The following DLG2 variants were observed in gnomAD, a reference collection of about 807,000 sequenced individuals.
DLG2 encodes disks large homolog 2.
Under a neutral mutation model 132.5 loss-of-function variants are expected in DLG2, and 45 were observed. The observed-to-expected ratio is 0.34, with a 90% CI of 0.27 to 0.44. DLG2 has a LOEUF of 0.44. Among genes scored for constraint, DLG2 ranks in the 20% least tolerant of loss-of-function variants. The pLI, the probability that DLG2 is intolerant of heterozygous loss-of-function variation, is 1.00. For missense variants in DLG2, 1,045 were observed against 1,196.9 expected (o/e 0.87, Z 1.87); for synonymous variants, 424 against 419.6 (o/e 1.01, Z -0.13).
chr11:83,967,567 T>G (rs2090478981), intron 12 of DLG2, among the ~76,000 whole-genome samples: 1 of 152,174 alleles, frequency 6.6e-6, no homozygotes, highest in South Asian at 2.1e-4. Flanking sequence ...CCTCTGTGCA[T>G]TTTTAAAATC....
chr11:84,841,621 T>G (rs1028844106), intron 6 of DLG2, among the ~76,000 whole-genome samples: 16 of 152,022 alleles, frequency 1.1e-4, no homozygotes, highest in Non-Finnish European at 5.9e-5. Flanking sequence ...TATGAACAAA[T>G]GAATCTCATT....
intron 6 of DLG2, among the ~76,000 whole-genome samples, chr11:84,631,762 A>G (rs757183945): frequency 2.0e-5 from 3 of 152,196 alleles, no homozygotes; most frequent in Non-Finnish European, 4.4e-5. Context: ...TACGGGTACC[A>G]GCTGGTGCTA....
chr11:84,545,234 T>C, intron 6 of DLG2: 1 of 473,566 alleles, frequency 2.1e-6, no homozygotes, highest in Non-Finnish European at 4.1e-6. Flanking sequence ...CCAGAGGGGC[T>C]GGAGCTTCTG....
chr11:85,193,714 T>A (rs573293452), intron 4 of DLG2, among the ~76,000 whole-genome samples: 18 of 152,378 alleles, frequency 1.2e-4, no homozygotes, highest in East Asian at 1.2e-3. Flanking sequence ...CCCATTTTTT[T>A]AAAATTGGAT....
At chr11:83,498,435 C>A (rs2094266469) in intron 21 of DLG2, among the ~76,000 whole-genome samples, 1 of 151,856 alleles carries the variant, frequency 6.6e-6, no homozygotes, top group South Asian at 2.1e-4. Flanking sequence ...GGAAATTAAG[C>A]AACACTCTCC....
intron 3 of DLG2, among the ~76,000 whole-genome samples, chr11:85,578,137 G>A (rs2078271343): frequency 6.6e-6 from 1 of 152,066 alleles, no homozygotes; most frequent in South Asian, 2.1e-4. Flanking sequence ...ACAAGCAATG[G>A]GGAAGGGATT....
At chr11:85,434,920 C>A in intron 3 of DLG2, among the ~76,000 whole-genome samples, 1 of 152,168 alleles carries the variant, frequency 6.6e-6, no homozygotes, top group South Asian at 2.1e-4. Flanking sequence ...TGAAAATCCT[C>A]TATAAAATAC....
intron 15 of DLG2, among the ~76,000 whole-genome samples, chr11:83,879,589 C>T (rs1406405321): frequency 6.6e-6 from 1 of 152,092 alleles, no homozygotes; most frequent in Non-Finnish European, 1.5e-5. Context: ...CTTGGATATC[C>T]AATCAGTACC....
chr11:83,686,649 C>A (rs1446357887), intron 18 of DLG2, among the ~76,000 whole-genome samples: 1 of 152,124 alleles, frequency 6.6e-6, no homozygotes, highest in Non-Finnish European at 1.5e-5. Flanking sequence ...AGTCCTATAT[C>A]CTTACACAAA....
chr11:83,965,825 C>A (rs1296703144), intron 12 of DLG2, among the ~76,000 whole-genome samples: 1 of 151,898 alleles, frequency 6.6e-6, no homozygotes, highest in Non-Finnish European at 1.5e-5. Context: ...AAATAAAAAT[C>A]ATTCATCATC....
intron 9 of DLG2, among the ~76,000 whole-genome samples, chr11:84,109,191 A>G (rs1320642509): frequency 6.6e-6 from 1 of 152,174 alleles, no homozygotes; most frequent in Non-Finnish European, 1.5e-5. Context: ...ACAATTGCCT[A>G]CTTAAGGAAG....
At chr11:85,403,865 C>G (rs1197594010) in intron 3 of DLG2, among the ~76,000 whole-genome samples, 1 of 151,902 alleles carries the variant, frequency 6.6e-6, no homozygotes, top group Non-Finnish European at 1.5e-5. Flanking sequence ...AGGATTGAAA[C>G]AAGACATTGA....
chr11:85,591,204 G>A (rs977531344), intron 3 of DLG2, among the ~76,000 whole-genome samples: 1 of 152,098 alleles, frequency 6.6e-6, no homozygotes, highest in African/African-American at 2.4e-5. Context: ...GTATATGGCC[G>A]TTTAACAAAG....
chr11:84,550,604 C>T (rs2099399977), intron 6 of DLG2, among the ~76,000 whole-genome samples: 1 of 152,176 alleles, frequency 6.6e-6, no homozygotes, highest in Non-Finnish European at 1.5e-5. Flanking sequence ...AGATCAGTTA[C>T]CCACCTGAAC....
chr11:84,144,318 T>A (rs892731440), intron 9 of DLG2, among the ~76,000 whole-genome samples: 3 of 152,142 alleles, frequency 2.0e-5, no homozygotes, highest in Non-Finnish European at 2.9e-5. Context: ...GCTGGTTTCA[T>A]TCTAAAGATG....
At chr11:84,912,188 C>A (rs113816781) in intron 6 of DLG2, among the ~76,000 whole-genome samples, 2 of 152,200 alleles carry the variant, frequency 1.3e-5, no homozygotes, top group South Asian at 4.1e-4. Context: ...CTCACTCTGT[C>A]GCCCAGGCTG....
chr11:84,362,169 A>G (rs116901444), intron 7 of DLG2, among the ~76,000 whole-genome samples: 3,300 of 152,080 alleles, frequency 0.022, 49 homozygotes, highest in Non-Finnish European at 0.037. Flanking sequence ...AAACACCACA[A>G]CAGTTGAAAT....
intron 14 of DLG2, among the ~76,000 whole-genome samples, chr11:83,941,313 G>A (rs1477898004): frequency 6.6e-6 from 1 of 151,836 alleles, no homozygotes. Context: ...CATTTACTCT[G>A]TAATAAAATT....
chr11:84,627,319 G>T (rs56098997), intron 6 of DLG2, among the ~76,000 whole-genome samples: 16,125 of 152,160 alleles, frequency 0.11, 1,014 homozygotes, highest in South Asian at 0.24. Flanking sequence ...TATATCATTT[G>T]CTGTTAGTAA....
Sources: allele counts gnomAD v4.1 joint callset (sites outside exome capture counted in the v4.1 genomes callset), GRCh38; gene constraint gnomAD v4.1.1; transcripts MANE v1.5; gene names NCBI Gene and HGNC (gene_info 2026-07-23, HGNC 2026-07-21).